The following ATP2C1 variants were observed in gnomAD, a reference collection of about 807,000 sequenced individuals.
The protein encoded by ATP2C1 is ATPase secretory pathway Ca2+ transporting 1, also known as calcium-transporting ATPase type 2C member 1.
Under a neutral mutation model 120.5 loss-of-function variants are expected in ATP2C1, and 31 were observed. The observed-to-expected ratio is 0.26, with a 90% CI of 0.19 to 0.35. ATP2C1 has a LOEUF of 0.35. ATP2C1 is among the 10% of genes least tolerant of loss of function. ATP2C1 has a pLI of 1.00. For synonymous variants in ATP2C1, 351 were observed against 358.7 expected (o/e 0.98, Z 0.24); for missense variants, 731 against 1,107.5 (o/e 0.66, Z 4.83).
chr3:130,881,343 TCTTCTC>T (rs1273519195), intron 1 of ATP2C1, among the ~76,000 whole-genome samples: 1 of 149,160 alleles, frequency 6.7e-6, no homozygotes, highest in Non-Finnish European at 1.5e-5. Context: ...TTCTTCTTCT[TCTTCTC>T]CTCCTCCTCC....
intron 3 of ATP2C1, 63 bp from the exon 4 acceptor site, chr3:130,931,959 T>C (rs1576768723): frequency 9.4e-7 from 1 of 1,067,748 alleles, no homozygotes. Flanking sequence ...TATTATGTGC[T>C]TTTTTGTGTT....
rs72628528 is a variant in ATP2C1, at chr3:130,936,160, A to C, written c.325-1268A>C. On this transcript the variant is annotated intron_variant, in intron 5 of 27. Transcript: ENST00000510168. ...TGGGCTGGATAGCATCCCAGTATTT[A>C]AGACTTTATTCCAATTAGATCAGTA... Among the ~76,000 whole-genome samples the C allele has an allele frequency of 0.012, 1,776 of 152,268 alleles. 137 individuals are homozygous for C. In the East Asian group the frequency reaches 0.21, roughly 18 times the overall value.
intron 26 of ATP2C1, among the ~76,000 whole-genome samples, chr3:131,013,176 T>C (rs2063401221): frequency 6.6e-6 from 1 of 152,218 alleles, no homozygotes; most frequent in African/African-American, 2.4e-5. Context: ...GAACTCTGGG[T>C]ATTTCTAATT....
intron 20 of ATP2C1, among the ~76,000 whole-genome samples, chr3:130,982,412 T>C (rs929505384): frequency 2.6e-5 from 4 of 152,242 alleles, no homozygotes; most frequent in Non-Finnish European, 5.9e-5. Flanking sequence ...ATTAACTTAC[T>C]TTATTATCTT....
chr3:130,932,938 T>G (rs2108367088), intron 4 of ATP2C1, among the ~76,000 whole-genome samples: 1 of 152,338 alleles, frequency 6.6e-6, no homozygotes, highest in South Asian at 2.1e-4. Flanking sequence ...CACTGGAATT[T>G]TAAAGGTTGG....
chr3:130,871,477 TA>T (rs1158872311), intron 1 of ATP2C1, among the ~76,000 whole-genome samples: 1 of 152,208 alleles, frequency 6.6e-6, no homozygotes, highest in Non-Finnish European at 1.5e-5. Flanking sequence ...TCTGCATTTC[TA>T]AAAAAATTCC....
chr3:130,896,881 A>G (rs934023227), intron 2 of ATP2C1, among the ~76,000 whole-genome samples: 3 of 152,252 alleles, frequency 2.0e-5, no homozygotes, highest in Non-Finnish European at 4.4e-5. Flanking sequence ...TGGTGGAACC[A>G]TGCAGACTGA....
At chr3:131,014,058 T>C in intron 26 of ATP2C1, 1 of 1,562,482 alleles carries the variant, frequency 6.4e-7, no homozygotes, top group South Asian at 1.2e-5. Context: ...AACTGAGTTT[T>C]ATTCAATGTT....
chr3:130,881,089 G>A (rs1020797720), intron 1 of ATP2C1, among the ~76,000 whole-genome samples: 8 of 152,216 alleles, frequency 5.3e-5, no homozygotes, highest in African/African-American at 1.4e-4. Context: ...ACATCCCAGT[G>A]TGCAGCAGGA....
intron 20 of ATP2C1, among the ~76,000 whole-genome samples, chr3:130,987,070 C>G (rs2062054638): frequency 6.7e-6 from 1 of 149,652 alleles, no homozygotes; most frequent in South Asian, 2.1e-4. Context: ...TCCCAAGTAG[C>G]TGGAACTGTA....
intron 26 of ATP2C1, among the ~76,000 whole-genome samples, chr3:131,009,206 A>G (rs574156500): frequency 9.2e-5 from 14 of 152,374 alleles, no homozygotes; most frequent in African/African-American, 3.4e-4. Context: ...TAATAGCAGA[A>G]ACTAAACTAT....
chr3:130,945,530 G>A (rs1307072214), intron 8 of ATP2C1, among the ~76,000 whole-genome samples: 4 of 81,588 alleles, frequency 4.9e-5, no homozygotes, highest in East Asian at 6.3e-4. Flanking sequence ...CCCACCCCAC[G>A]ACAGGCCCCG....
At position 130,967,318 on chromosome 3, in the gene ATP2C1, T is replaced by C. The variant is rs374372080; in HGVS notation, c.1219-12T>C. ...CAGTGATAGGTTCATAGTTTATGTG[T>C]ATTTTTCTTAGGCGGGCTGTGTGTG... On this transcript the variant is annotated splice_polypyrimidine_tract_variant and intron_variant, in intron 15 of 27. Coordinates refer to ENST00000510168, the MANE Select transcript of ATP2C1 (RefSeq NM_001378687.1). 47 of 1,613,634 alleles carry C rather than the reference T, an allele frequency of 2.9e-5. No homozygotes were observed. The highest frequency in any genetic ancestry group is 2.3e-4 in the African/African-American group (17 of 75,006).
chr3:131,012,315 T>TGGCG (rs922410448), intron 26 of ATP2C1, among the ~76,000 whole-genome samples: 1 of 148,242 alleles, frequency 6.7e-6, no homozygotes, highest in Non-Finnish European at 1.5e-5. Flanking sequence ...TGGAGTACAG[T>TGGCG]GGCGCCATCT....
chr3:130,854,423 G>A (rs1012039023), intron 1 of ATP2C1, among the ~76,000 whole-genome samples: 7 of 152,098 alleles, frequency 4.6e-5, no homozygotes, highest in Non-Finnish European at 7.4e-5. Context: ...GTTTGGTTTC[G>A]GTTATTTTAT....
chr3:130,967,152 G>A lies in ATP2C1; in HGVS notation c.1130G>A (p.Gly377Glu). ...TSDGLHAEVT[G>E]VGYNQFGEVI... The stretch of plus-strand genomic sequence containing the variant: ...CCACTTTGTGATCTTTAGGTTACTG[G>A]AGTTGGCTATAATCAATTTGGGGAA... The change falls in exon 15 of 28, where the codon GGA (glycine) becomes GAA (glutamate). Residue 377 changes from glycine (G) to glutamate (E), a missense_variant. By Grantham distance (98) the Gly-to-Glu change is moderately conservative. Coordinates refer to ENST00000510168, the MANE Select transcript of ATP2C1 (RefSeq NM_001378687.1). 6.2e-7 allele frequency: 1 copy of A among 1,612,804 alleles called. No individual in the cohort carries two copies. The highest frequency in any genetic ancestry group is 1.1e-5 in the South Asian group (1 of 91,060).
intron 20 of ATP2C1, among the ~76,000 whole-genome samples, chr3:130,983,343 A>C (rs551003689): frequency 4.3e-4 from 65 of 152,346 alleles, no homozygotes; most frequent in African/African-American, 1.6e-3. Flanking sequence ...TTAGATTTAT[A>C]GAATAATTGA....
In ATP2C1 at chr3:130,956,117, C is replaced by G. The variant is rs1180551569; in HGVS notation, c.770C>G (p.Pro257Arg). Residue 257 changes from proline to arginine, a missense_variant, in exon 11 of 28, where the codon CCT (proline) becomes CGT (arginine). Around this residue, in one of 3 missense-constraint regions of ATP2C1, gnomAD observed 571 missense variants for 845.9 expected, o/e 0.67. Coordinates refer to ENST00000510168, the MANE Select transcript of ATP2C1 (RefSeq NM_001378687.1). ...CAATTTATCAAGGCACCAAAAACCCCTCTGCAGAAGAGCATGGACCTCTTA... is the reference window on the plus strand; with the variant it reads ...CAATTTATCAAGGCACCAAAAACCCGTCTGCAGAAGAGCATGGACCTCTTA... Reference protein sequence around the residue: ...MMQAEEAPKTPLQKSMDLLGK... With the variant: ...MMQAEEAPKTRLQKSMDLLGK... 1.2e-6 allele frequency: 2 copies of G among 1,609,918 alleles called. No homozygotes were observed. The highest frequency in any genetic ancestry group is 2.7e-5 in the African/African-American group (2 of 74,794).
Position 130,940,688 on chromosome 3 carries a change from A to C in ATP2C1, c.419A>C (p.His140Pro). 1 of 1,610,538 alleles carries C rather than the reference A, an allele frequency of 6.2e-7. No homozygotes were observed. The highest frequency in any genetic ancestry group is 8.5e-7 in the Non-Finnish European group (1 of 1,177,084). The change falls in exon 7 of 28, where the codon CAT becomes CCT. Residue 140 changes from histidine to proline, a missense_variant. Coordinates refer to ENST00000510168, the MANE Select transcript of ATP2C1 (RefSeq NM_001378687.1). ...ELSKLVPPEC[H>P]CVREGKLEHT... Reference sequence around the variant, plus strand: ...AGTAAACTTGTGCCACCAGAATGCCATTGGTATGATCCTTTTTTTGGTATG... The same window carrying C: ...AGTAAACTTGTGCCACCAGAATGCCCTTGGTATGATCCTTTTTTTGGTATG...
Sources: allele counts gnomAD v4.1 joint callset (sites outside exome capture counted in the v4.1 genomes callset), GRCh38; gene constraint gnomAD v4.1.1; regional missense constraint gnomAD v4.1.1; transcripts MANE v1.5; gene names NCBI Gene and HGNC (gene_info 2026-07-23, HGNC 2026-07-21).